The following RBFOX1 variants were observed in gnomAD, a reference collection of about 807,000 sequenced individuals.
RBFOX1 encodes the protein RNA binding protein fox-1 homolog 1.
RBFOX1 carries 8 observed loss-of-function variants against 57.7 expected under a neutral mutation model. That is an observed-to-expected ratio of 0.14 (90% CI 0.08 to 0.25). The LOEUF (loss-of-function observed/expected upper bound fraction) is 0.25. RBFOX1 is among the 10% of genes least tolerant of loss of function. RBFOX1 has a pLI of 1.00. For synonymous variants in RBFOX1, 326 were observed against 222.4 expected, an observed-to-expected ratio of 1.47 and a Z score of -4.15; for missense variants, 611 against 548.5, an observed-to-expected ratio of 1.11 and a Z score of -1.14.
chr16:6,913,456 G>T (rs1047441703), intron 3 of RBFOX1, among the ~76,000 whole-genome samples: 3 of 152,082 alleles, frequency 2.0e-5, no homozygotes, highest in Non-Finnish European at 4.4e-5. Context: ...ACCAGACCCT[G>T]AGCATGTTGC....
chr16:5,604,219 C>T (rs2047476491), downstream of RBFOX1, among the ~76,000 whole-genome samples: 2 of 152,188 alleles, frequency 1.3e-5, no homozygotes, highest in African/African-American at 2.4e-5. Context: ...TTTATGCGTG[C>T]TTAAGAGACT....
intron 1 of RBFOX1, among the ~76,000 whole-genome samples, chr16:5,429,069 C>T (rs546040980): frequency 1.1e-4 from 16 of 152,212 alleles, no homozygotes; most frequent in Middle Eastern, 3.4e-3. Flanking sequence ...CCTCTGGTGG[C>T]GAAGGGGACC....
intron 4 of RBFOX1, among the ~76,000 whole-genome samples, chr16:7,236,632 C>A (rs146708498): frequency 6.6e-6 from 1 of 152,148 alleles, no homozygotes; most frequent in Admixed American, 6.5e-5. Context: ...CTTCCCAAAT[C>A]ATGAAGTCTA....
chr16:7,164,481 A>G (rs1440299526), intron 4 of RBFOX1, among the ~76,000 whole-genome samples: 1 of 152,212 alleles, frequency 6.6e-6, no homozygotes, highest in African/African-American at 2.4e-5. Flanking sequence ...GTGAATAGCC[A>G]GTAGTGGGAT....
At chr16:5,372,167 C>T (rs2065874133) in intron 1 of RBFOX1, among the ~76,000 whole-genome samples, 1 of 152,062 alleles carries the variant, frequency 6.6e-6, no homozygotes, top group Admixed American at 6.6e-5. Flanking sequence ...GAGGTTAGGT[C>T]AATATTTGAT....
chr16:6,007,012 C>T (rs1310131448), intron 4 of RBFOX1, among the ~76,000 whole-genome samples: 1 of 151,958 alleles, frequency 6.6e-6, no homozygotes, highest in African/African-American at 2.4e-5. Context: ...TATGGATTTA[C>T]CCTCTCTCCC....
At chr16:5,979,359 T>C (rs1483252768) in intron 4 of RBFOX1, among the ~76,000 whole-genome samples, 1 of 152,208 alleles carries the variant, frequency 6.6e-6, no homozygotes, top group Non-Finnish European at 1.5e-5. Flanking sequence ...TTGACAACCA[T>C]AGCCAGCAGT....
intron 3 of RBFOX1, among the ~76,000 whole-genome samples, chr16:6,679,878 G>GTTTTTTTTTTTTTTT (rs71145274): frequency 1.6e-4 from 18 of 114,302 alleles, no homozygotes; most frequent in African/African-American, 2.7e-4. Context: ...GTTTCTACTT[G>GTTTTTTTTTTTTTTT]TTTTTTTTTT....
chr16:7,621,461 C>T (rs2059309711), intron 10 of RBFOX1, among the ~76,000 whole-genome samples: 2 of 151,974 alleles, frequency 1.3e-5, no homozygotes, highest in South Asian at 2.1e-4. Flanking sequence ...CGGGTTTTGC[C>T]ATGTTCTCCA....
chr16:5,815,554 C>G (rs1309935245), intron 3 of RBFOX1, among the ~76,000 whole-genome samples: 2 of 152,162 alleles, frequency 1.3e-5, no homozygotes, highest in African/African-American at 4.8e-5. Context: ...GAAAGTCCAT[C>G]TCCTTCTCTC....
intron 4 of RBFOX1, among the ~76,000 whole-genome samples, chr16:7,349,232 G>A (rs1382107506): frequency 6.6e-6 from 1 of 152,116 alleles, no homozygotes; most frequent in African/African-American, 2.4e-5. Context: ...ATATCTTCCT[G>A]GCAGCCTTCT....
At chr16:6,859,177 ATATATATG>A (rs2058545892) in intron 3 of RBFOX1, among the ~76,000 whole-genome samples, 2 of 82,012 alleles carry the variant, frequency 2.4e-5, no homozygotes, top group African/African-American at 1.1e-4. Flanking sequence ...ATATATATGT[ATATATATG>A]TATATATATA....
At chr16:7,435,167 A>G (rs1020685980) in intron 4 of RBFOX1, among the ~76,000 whole-genome samples, 1 of 152,140 alleles carries the variant, frequency 6.6e-6, no homozygotes, top group Admixed American at 6.5e-5. Context: ...TCACATTACA[A>G]TTAATTGCCA....
At chr16:5,630,757 T>C (rs56875907) in intron 3 of RBFOX1, among the ~76,000 whole-genome samples, 1,995 of 152,282 alleles carry the variant, frequency 0.013, 51 homozygotes, top group African/African-American at 0.044. Context: ...AGGGCCAGGC[T>C]CTAACTCTCG....
intron 2 of RBFOX1, among the ~76,000 whole-genome samples, chr16:6,598,485 A>G (rs1221670409): frequency 6.6e-6 from 1 of 152,228 alleles, no homozygotes; most frequent in Admixed American, 6.5e-5. Context: ...AGTCTGTAGA[A>G]AATAAAGAGG....
chr16:6,965,595 C>G (rs1484202189), intron 3 of RBFOX1, among the ~76,000 whole-genome samples: 1 of 152,146 alleles, frequency 6.6e-6, no homozygotes, highest in East Asian at 1.9e-4. Context: ...ACTTGGCTTC[C>G]CAAAGTGCTG....
intron 2 of RBFOX1, among the ~76,000 whole-genome samples, chr16:6,632,673 G>C (rs747240414): frequency 6.6e-6 from 1 of 152,158 alleles, no homozygotes; most frequent in Non-Finnish European, 1.5e-5. Context: ...ACTGATATCC[G>C]GCGAAGGCCT....
chr16:5,619,986 TAAA>T (rs35481033), intron 3 of RBFOX1, among the ~76,000 whole-genome samples: 2 of 140,586 alleles, frequency 1.4e-5, no homozygotes. Context: ...TAGGATGCAT[TAAA>T]AAAAAAAAAA....
intron 2 of RBFOX1, among the ~76,000 whole-genome samples, chr16:6,562,741 A>C (rs921654832): frequency 1.3e-5 from 2 of 152,144 alleles, no homozygotes; most frequent in Non-Finnish European, 2.9e-5. Context: ...GGAGGTTCAC[A>C]TTCTGCACAA....
Sources: gnomAD v4.1 joint callset for allele counts (sites outside exome capture counted in the v4.1 genomes callset) on GRCh38, gnomAD v4.1.1 for gene constraint, MANE v1.5 for transcripts, NCBI Gene and HGNC (gene_info 2026-07-23, HGNC 2026-07-21) for gene names.